The following NRG1 variants were observed in gnomAD, a reference collection of about 807,000 sequenced individuals.
NRG1 encodes the protein pro-neuregulin-1, membrane-bound isoform.
NRG1 carries 18 observed loss-of-function variants against 63.8 expected under a neutral mutation model. That is an observed-to-expected ratio of 0.28 (90% confidence interval 0.19 to 0.42). NRG1 has a LOEUF of 0.42. Ranked by LOEUF, NRG1 falls within the 10% of genes least tolerant of loss-of-function variation. NRG1 has a pLI of 1.00. For missense variants in NRG1, 762 were observed against 814.7 expected (o/e 0.94, Z 0.79); for synonymous variants, 302 against 301.3 (o/e 1.00, Z -0.02).
chr8:31,818,495 G>T (rs1190838534), intron 1 of NRG1, among the ~76,000 whole-genome samples: 1 of 152,162 alleles, frequency 6.6e-6, no homozygotes, highest in Non-Finnish European at 1.5e-5. Flanking sequence ...AAAGGAGATG[G>T]TTTAGGGATG....
At chr8:31,730,963 G>A (rs1275859022) in intron 1 of NRG1, among the ~76,000 whole-genome samples, 3 of 152,068 alleles carry the variant, frequency 2.0e-5, no homozygotes, top group African/African-American at 7.2e-5. Flanking sequence ...AATGAGTAAA[G>A]AACATAGTTT....
At chr8:32,274,454 T>TTGA (rs2129472684) in intron 1 of NRG1, among the ~76,000 whole-genome samples, 1 of 152,356 alleles carries the variant, frequency 6.6e-6, no homozygotes, top group East Asian at 1.9e-4. Context: ...GACCCAGGAA[T>TTGA]TGATATGAGC....
chr8:32,479,769 C>G (rs1466344451), intron 1 of NRG1, among the ~76,000 whole-genome samples: 2 of 152,066 alleles, frequency 1.3e-5, no homozygotes, highest in Non-Finnish European at 2.9e-5. Flanking sequence ...CCTGCCTCAG[C>G]CTCCCGAGTA....
chr8:31,820,193 T>C (rs1237368980), intron 1 of NRG1, among the ~76,000 whole-genome samples: 1 of 152,110 alleles, frequency 6.6e-6, no homozygotes, highest in Admixed American at 6.5e-5. Flanking sequence ...CTAGTTCCTG[T>C]GGAGTAACGC....
intron 1 of NRG1, among the ~76,000 whole-genome samples, chr8:32,476,632 C>T (rs1824554277): frequency 2.0e-5 from 3 of 152,174 alleles, no homozygotes; most frequent in Non-Finnish European, 4.4e-5. Flanking sequence ...AGAACAGACT[C>T]TTTTTGGCAA....
intron 1 of NRG1, among the ~76,000 whole-genome samples, chr8:31,729,109 G>T (rs1813750230): frequency 6.6e-6 from 1 of 152,080 alleles, no homozygotes; most frequent in South Asian, 2.1e-4. Flanking sequence ...TTATACATGG[G>T]AAAAATGGTG....
intron 1 of NRG1, among the ~76,000 whole-genome samples, chr8:32,210,446 C>A: frequency 6.6e-6 from 1 of 152,236 alleles, no homozygotes; most frequent in Middle Eastern, 3.4e-3. Context: ...TCTCACAGAC[C>A]TCCCGAAAGG....
intron 1 of NRG1, among the ~76,000 whole-genome samples, chr8:31,964,390 C>T (rs996378506): frequency 6.6e-6 from 1 of 152,162 alleles, no homozygotes; most frequent in African/African-American, 2.4e-5. Flanking sequence ...GAGCAAAATG[C>T]TGGGTGCACT....
intron 1 of NRG1, among the ~76,000 whole-genome samples, chr8:32,084,722 T>C (rs563140325): frequency 1.3e-5 from 2 of 152,228 alleles, no homozygotes; most frequent in South Asian, 2.1e-4. Context: ...TTAGAGATCA[T>C]AAAATCCAGT....
At chr8:32,320,879 T>C (rs1375221516) in intron 1 of NRG1, among the ~76,000 whole-genome samples, 1 of 152,184 alleles carries the variant, frequency 6.6e-6, no homozygotes, top group Non-Finnish European at 1.5e-5. Context: ...ATACTAGCGA[T>C]CAACAGCTTT....
chr8:32,335,048 G>A (rs1366537751), intron 1 of NRG1, among the ~76,000 whole-genome samples: 1 of 151,946 alleles, frequency 6.6e-6, no homozygotes, highest in African/African-American at 2.4e-5. Context: ...GAAAAATAAT[G>A]ATCCATAATT....
chr8:32,388,005 C>G (rs1025057169), intron 1 of NRG1, among the ~76,000 whole-genome samples: 1 of 152,174 alleles, frequency 6.6e-6, no homozygotes, highest in Non-Finnish European at 1.5e-5. Context: ...AACAGACTTT[C>G]GGATGAGGAT....
chr8:31,821,300 G>A (rs1823982022), intron 1 of NRG1, among the ~76,000 whole-genome samples: 3 of 152,048 alleles, frequency 2.0e-5, no homozygotes. Context: ...TATACTTGTG[G>A]TTCTCAAGTC....
chr8:32,657,268 T>C (rs1165157932), intron 5 of NRG1, among the ~76,000 whole-genome samples: 1 of 151,536 alleles, frequency 6.6e-6, no homozygotes, highest in Non-Finnish European at 1.5e-5. Flanking sequence ...ATAATTTTGT[T>C]TCCCCCGTTT....
intron 1 of NRG1, among the ~76,000 whole-genome samples, chr8:31,945,343 T>C (rs1802377502): frequency 6.6e-6 from 1 of 152,220 alleles, no homozygotes; most frequent in Admixed American, 6.5e-5. Context: ...TAGGCTTTCT[T>C]CTGAGTCCTT....
At chr8:31,788,804 G>A (rs1244152748) in intron 1 of NRG1, among the ~76,000 whole-genome samples, 1 of 152,118 alleles carries the variant, frequency 6.6e-6, no homozygotes, top group Non-Finnish European at 1.5e-5. Context: ...AAAATGAAGT[G>A]CAAAGTAGTT....
intron 1 of NRG1, among the ~76,000 whole-genome samples, chr8:31,943,045 T>C (rs1441624401): frequency 6.6e-6 from 1 of 152,032 alleles, no homozygotes; most frequent in Non-Finnish European, 1.5e-5. Context: ...AGGAAGTCAT[T>C]ATACAAAAAA....
At chr8:31,662,467 T>G (rs535206400) in intron 1 of NRG1, among the ~76,000 whole-genome samples, 1 of 152,336 alleles carries the variant, frequency 6.6e-6, no homozygotes, top group Admixed American at 6.5e-5. Flanking sequence ...AATGTTGAAG[T>G]CTTTGCATTT....
chr8:31,949,831 A>G (rs1803195047), intron 1 of NRG1, among the ~76,000 whole-genome samples: 1 of 152,192 alleles, frequency 6.6e-6, no homozygotes, highest in Non-Finnish European at 1.5e-5. Context: ...TAGTTCTTAC[A>G]AATGGGAACT....
Sources: allele counts gnomAD v4.1 joint callset (sites outside exome capture counted in the v4.1 genomes callset), GRCh38; gene constraint gnomAD v4.1.1; transcripts MANE v1.5; gene names NCBI Gene and HGNC (gene_info 2026-07-23, HGNC 2026-07-21).